Variants in TMTC2 observed in about 807,000 individuals in gnomAD.
TMTC2 encodes transmembrane O-mannosyltransferase targeting cadherins 2, also known as protein O-mannosyl-transferase TMTC2.
A neutral mutation model predicts 82.4 loss-of-function variants in TMTC2; 43 were observed. The observed-to-expected ratio is 0.52, with a 90% confidence interval of 0.41 to 0.67. TMTC2 has a LOEUF of 0.67. Among genes scored for constraint, TMTC2 ranks in the 30% least tolerant of loss-of-function variants. The pLI, the probability that TMTC2 is intolerant of heterozygous loss-of-function variation, is 0.00. For missense variants in TMTC2, 919 were observed against 1,012.4 expected, an observed-to-expected ratio of 0.91 and a Z score of 1.25; for synonymous variants, 408 against 381.9, an observed-to-expected ratio of 1.07 and a Z score of -0.80.
At chr12:82,859,457 C>T (rs990562334) in intron 2 of TMTC2, among the ~76,000 whole-genome samples, 7 of 152,248 alleles carry the variant, frequency 4.6e-5, no homozygotes, top group South Asian at 2.1e-4. Context: ...CAGGACCTTA[C>T]GAAGTTCTCT....
At chr12:83,111,306 C>A (rs1471710245) in intron 11 of TMTC2, among the ~76,000 whole-genome samples, 1 of 152,142 alleles carries the variant, frequency 6.6e-6, no homozygotes, top group African/African-American at 2.4e-5. Flanking sequence ...TGTAATGGGC[C>A]ACATAGTAAA....
chr12:83,011,386 A>G (rs1371788885), intron 8 of TMTC2, among the ~76,000 whole-genome samples: 1 of 152,210 alleles, frequency 6.6e-6, no homozygotes, highest in Non-Finnish European at 1.5e-5. Flanking sequence ...CTTGTTGAGC[A>G]GTTAAATGAG....
intron 1 of TMTC2, among the ~76,000 whole-genome samples, chr12:82,822,734 A>C (rs965025209): frequency 6.6e-6 from 1 of 152,198 alleles, no homozygotes; most frequent in Non-Finnish European, 1.5e-5. Context: ...AGATTTTGAC[A>C]ATGGTACTAA....
At position 82,923,736 on chromosome 12, in the gene TMTC2, T is replaced by G. The variant is rs557173921; in HGVS notation, c.1484-6695T>G. Among the ~76,000 whole-genome samples, 7 of 152,322 alleles carry G rather than the reference T, an allele frequency of 4.6e-5. No individual in the cohort carries two copies. In the East Asian group the frequency reaches 9.6e-4, roughly 21 times the overall value. ...AGTTTTTGAGTTTCTTAATAAATGA[T>G]GCTAAAATATTGATTGTATTTACAT... On this transcript the variant is annotated intron_variant, in intron 3 of 11. Coordinates refer to ENST00000321196, the MANE Select transcript of TMTC2 (RefSeq NM_152588.3).
At chr12:82,803,237 G>A (rs1026365039) in intron 1 of TMTC2, among the ~76,000 whole-genome samples, 1 of 152,050 alleles carries the variant, frequency 6.6e-6, no homozygotes, top group African/African-American at 2.4e-5. Flanking sequence ...AACAAATATT[G>A]GACTCATTCT....
chr12:82,687,608 A>C lies in TMTC2; in HGVS notation c.22A>C (p.Ser8Arg). 1 of 1,601,936 alleles carries C rather than the reference A, an allele frequency of 6.2e-7. No individual in the cohort carries two copies. Among genetic ancestry groups the C allele is most frequent in the Non-Finnish European group, 8.5e-7 (1 of 1,175,674 alleles). ...AGAGATGATTGCAGAGTTGGTGAGCAGCGCTCTGGGGCTCGCCTTGTATCT... is the reference window on the plus strand; with the variant it reads ...AGAGATGATTGCAGAGTTGGTGAGCCGCGCTCTGGGGCTCGCCTTGTATCT... MIAELVS[S>R]ALGLALYLNT... The change falls in exon 1 of 12, where the codon AGC (serine) becomes CGC (arginine). Residue 8 changes from serine (S) to arginine (R), a missense_variant. By Grantham distance (110) the Ser-to-Arg change is moderately radical (BLOSUM62 -1). Transcript: ENST00000321196.
At position 83,005,541 on chromosome 12, in the gene TMTC2, T is replaced by A. The variant is rs75528328; in HGVS notation, c.2070+19495T>A. The stretch of plus-strand genomic sequence containing the variant: ...TGAACCCCCGCTTCACTCTTCCCCA[T>A]GCTCTGAGAGTGACGGCTCTTACCC... On this transcript the variant is annotated intron_variant, in intron 8 of 11. Coordinates refer to ENST00000321196, the MANE Select transcript of TMTC2 (RefSeq NM_152588.3). Among the ~76,000 whole-genome samples the A allele has an allele frequency of 7.4e-3, 1,119 of 152,182 alleles. 13 individuals carry two copies. The highest frequency in any genetic ancestry group is 0.026 in the African/African-American group (1,060 of 41,512).
At chr12:82,917,633 A>G (rs942859846) in intron 3 of TMTC2, among the ~76,000 whole-genome samples, 1 of 151,880 alleles carries the variant, frequency 6.6e-6, no homozygotes, top group Non-Finnish European at 1.5e-5. Flanking sequence ...ACAGAGTCTC[A>G]CTCTGTCACC....
At chr12:82,725,722 A>G (rs1874416272) in intron 1 of TMTC2, among the ~76,000 whole-genome samples, 1 of 152,226 alleles carries the variant, frequency 6.6e-6, no homozygotes, top group Admixed American at 6.5e-5. Flanking sequence ...GGTTTGGTCC[A>G]GAAACATGGG....
intron 9 of TMTC2, among the ~76,000 whole-genome samples, chr12:83,038,564 G>A (rs1209778287): frequency 2.0e-5 from 3 of 151,942 alleles, no homozygotes; most frequent in African/African-American, 4.8e-5. Flanking sequence ...TCTGAAAAAG[G>A]GAGATAGCTC....
intron 1 of TMTC2, among the ~76,000 whole-genome samples, chr12:82,853,012 T>C (rs1406993400): frequency 3.3e-5 from 5 of 152,244 alleles, no homozygotes; most frequent in African/African-American, 1.2e-4. Flanking sequence ...GTTTTTCACA[T>C]GGATGAGATA....
At chr12:83,058,320 A>AT (rs1882618357) in intron 10 of TMTC2, among the ~76,000 whole-genome samples, 1 of 151,892 alleles carries the variant, frequency 6.6e-6, no homozygotes, top group Non-Finnish European at 1.5e-5. Flanking sequence ...CCAACAAAAC[A>AT]AAAAACCCTG....
intron 1 of TMTC2, among the ~76,000 whole-genome samples, chr12:82,753,609 A>G (rs1221936518): frequency 1.3e-5 from 2 of 152,214 alleles, no homozygotes; most frequent in Non-Finnish European, 2.9e-5. Context: ...TCATAAAAAA[A>G]GAAAACTTCA....
intron 11 of TMTC2, among the ~76,000 whole-genome samples, chr12:83,097,144 A>G (rs1050618062): frequency 6.6e-6 from 1 of 152,180 alleles, no homozygotes; most frequent in Non-Finnish European, 1.5e-5. Context: ...ACTAACACAC[A>G]ACTAACAAGT....
At chr12:82,828,118 C>T (rs1433566510) in intron 1 of TMTC2, among the ~76,000 whole-genome samples, 3 of 151,778 alleles carry the variant, frequency 2.0e-5, no homozygotes, top group African/African-American at 7.3e-5. Context: ...TTCTCGAATT[C>T]CTGACCTCAG....
At chr12:82,696,964 GTATATATA>G (rs3993380) in intron 1 of TMTC2, among the ~76,000 whole-genome samples, 14 of 141,514 alleles carry the variant, frequency 9.9e-5, no homozygotes, top group African/African-American at 3.2e-4. Context: ...ACATACATAC[GTATATATA>G]TATATATATA....
chr12:83,078,824 T>C (rs1883372268), intron 11 of TMTC2, among the ~76,000 whole-genome samples: 1 of 152,162 alleles, frequency 6.6e-6, no homozygotes, highest in African/African-American at 2.4e-5. Flanking sequence ...TACAACATAT[T>C]TACATTTCCT....
intron 1 of TMTC2, among the ~76,000 whole-genome samples, chr12:82,738,413 G>A (rs1348701421): frequency 1.3e-5 from 2 of 152,142 alleles, no homozygotes; most frequent in Non-Finnish European, 2.9e-5. Context: ...GAGTGATCTA[G>A]TGCCTTTTAA....
chr12:82,765,993 G>A (rs147451441), intron 1 of TMTC2, among the ~76,000 whole-genome samples: 1 of 152,136 alleles, frequency 6.6e-6, no homozygotes, highest in Non-Finnish European at 1.5e-5. Context: ...GGCCCAAAAC[G>A]TGTATTGCCA....
Sources: allele counts gnomAD v4.1 joint callset (sites outside exome capture counted in the v4.1 genomes callset), GRCh38; gene constraint gnomAD v4.1.1; transcripts MANE v1.5; gene names NCBI Gene and HGNC (gene_info 2026-07-23, HGNC 2026-07-21).